PTPRQ: variants seen among roughly 807,000 people sequenced by gnomAD.
The protein encoded by PTPRQ is protein tyrosine phosphatase receptor type Q.
Under a neutral mutation model 246.0 loss-of-function variants are expected in PTPRQ, and 199 were observed. That is an observed-to-expected ratio of 0.81 (90% CI 0.72 to 0.91). PTPRQ has a LOEUF of 0.91. PTPRQ is among the 40% of genes least tolerant of loss of function. The pLI, the probability that PTPRQ is intolerant of heterozygous loss-of-function variation, is 0.00. For synonymous variants in PTPRQ, 869 were observed against 853.2 expected (o/e 1.02, Z -0.32); for missense variants, 2,624 against 2,528.4 (o/e 1.04, Z -0.81).
rs775316850 is a variant in PTPRQ, at chr12:80,468,698, T to C, written c.911-12T>C. On this transcript the variant is annotated splice_polypyrimidine_tract_variant and intron_variant, in intron 6 of 44. Transcript: ENST00000644991. ...ATATATGTTATGTATTTATTTTCTATAATTATTTTAGTGCCTGAAGGACCA... is the reference window on the plus strand; with the variant it reads ...ATATATGTTATGTATTTATTTTCTACAATTATTTTAGTGCCTGAAGGACCA... The C allele has an allele frequency of 1.0e-5, 16 of 1,524,002 alleles. No homozygotes were observed. In the African/African-American group the frequency reaches 1.9e-4, roughly 19 times the overall value. The allele number at this position is 1,524,002 out of a possible 1,614,324, so 94.4% of individuals were successfully genotyped here. A position where few individuals can be genotyped will look rare whatever the true frequency, so the allele number is the denominator to read the frequency against.
At chr12:80,531,865 G>A (rs1455124874) in intron 17 of PTPRQ, among the ~76,000 whole-genome samples, 1 of 152,110 alleles carries the variant, frequency 6.6e-6, no homozygotes, top group Non-Finnish European at 1.5e-5. Context: ...AACCAAGCTA[G>A]ATGTTGAAAC....
intron 35 of PTPRQ, among the ~76,000 whole-genome samples, chr12:80,645,718 C>T (rs1016940021): frequency 6.2e-4 from 94 of 151,426 alleles, no homozygotes; most frequent in African/African-American, 2.1e-3. Context: ...AGAGTAAGAT[C>T]GATAGGGTTG....
intron 19 of PTPRQ, among the ~76,000 whole-genome samples, chr12:80,538,775 TTA>T (rs148653314): frequency 0.17 from 25,693 of 152,056 alleles, 2,350 homozygotes; most frequent in African/African-American, 0.22. Context: ...CTGTTTTTTT[TTA>T]ATTGTGTGCT....
chr12:80,568,752 T>G (rs1897052678), intron 25 of PTPRQ, among the ~76,000 whole-genome samples: 2 of 152,242 alleles, frequency 1.3e-5, no homozygotes, highest in Non-Finnish European at 2.9e-5. Flanking sequence ...ATTTTCTCCC[T>G]GTGCATAAAC....
chr12:80,633,810 A>G (rs1408067641), intron 34 of PTPRQ, among the ~76,000 whole-genome samples: 1 of 152,330 alleles, frequency 6.6e-6, no homozygotes, highest in East Asian at 1.9e-4. Flanking sequence ...TGGACTGGCC[A>G]CATTTATGTA....
intron 31 of PTPRQ, 23 bp downstream of exon 31, chr12:80,619,565 CTTG>C (rs1565822766): frequency 6.7e-7 from 1 of 1,491,414 alleles, no homozygotes; most frequent in Admixed American, 2.2e-5. Flanking sequence ...GTCAATTTAT[CTTG>C]TTAAATTGTG....
At chr12:80,495,688 G>A (rs989296208) in intron 12 of PTPRQ, among the ~76,000 whole-genome samples, 1 of 151,974 alleles carries the variant, frequency 6.6e-6, no homozygotes, top group African/African-American at 2.4e-5. Flanking sequence ...TAAAATGTAC[G>A]AATGCAAAAA....
chr12:80,619,559 A>G lies in PTPRQ; in HGVS notation c.5389+17A>G. 6.7e-7 allele frequency: 1 copy of G among 1,498,618 alleles called. No individual in the cohort carries two copies. The highest frequency in any genetic ancestry group is 2.5e-5 in the East Asian group (1 of 39,952). 92.8% of individuals were successfully genotyped at this position (1,498,618 alleles called of 1,614,324 possible). On this transcript the variant is annotated intron_variant, in intron 31 of 44. Transcript: ENST00000644991. ...AAACAGGAGGTATCATCACATGTCA[A>G]TTTATCTTGTTAAATTGTGGAGTGT...
At position 80,616,189 on chromosome 12, in the gene PTPRQ, G is replaced by T. The variant is rs1040129910; in HGVS notation, c.5164-11G>T. ...CACTTGAAAATAGTAACAAATATTT[G>T]TTTGTTTTAGGTTTACGCAGTCAAT... On this transcript the variant is annotated splice_polypyrimidine_tract_variant and intron_variant, in intron 29 of 44. Transcript: ENST00000644991. 1.4e-6 allele frequency: 2 copies of T among 1,453,634 alleles called. No individual in the cohort carries two copies. The highest frequency in any genetic ancestry group is 1.8e-6 in the Non-Finnish European group (2 of 1,098,430). The allele number at this position is 1,453,634 out of a possible 1,614,324, so 90.0% of individuals were successfully genotyped here.
chr12:80,677,398 T>A (rs1153045), intron 43 of PTPRQ, among the ~76,000 whole-genome samples: 61,630 of 152,034 alleles, frequency 0.41, 13,725 homozygotes, highest in African/African-American at 0.6. Flanking sequence ...ATAAACTAGA[T>A]CATCCACCTC....
chr12:80,577,948 T>C (rs1897318249), intron 25 of PTPRQ, among the ~76,000 whole-genome samples: 1 of 152,112 alleles, frequency 6.6e-6, no homozygotes, highest in South Asian at 2.1e-4. Flanking sequence ...GAGTTGCACA[T>C]GAACGGTATA....
rs537134697 is a variant in PTPRQ at position 80,506,443 on chromosome 12, G to T, written c.2456-126G>T. On this transcript the variant is annotated intron_variant, in intron 15 of 44. Transcript: ENST00000644991. ...ATAAATAAGAGCTACTATTGCCAAA[G>T]AATGACATTTTCACTTAGTTTTTAT... The T allele has an allele frequency of 4.6e-6, 4 of 875,372 alleles. No homozygotes were observed. The South Asian group carries it at 7.9e-5, about 17-fold the overall frequency. 54.2% of individuals were successfully genotyped at this position (875,372 alleles called of 1,614,324 possible). A position where few individuals can be genotyped will look rare whatever the true frequency, so the allele number is the denominator to read the frequency against.
intron 3 of PTPRQ, among the ~76,000 whole-genome samples, chr12:80,450,915 C>G (rs554655094): frequency 6.6e-6 from 1 of 152,220 alleles, no homozygotes; most frequent in Non-Finnish European, 1.5e-5. Flanking sequence ...GGAGGATTCC[C>G]TCTTTTTCTA....
chr12:80,471,927 T>C (rs933552070), intron 7 of PTPRQ, among the ~76,000 whole-genome samples, 178 bp from the exon 8 acceptor site: 1 of 152,162 alleles, frequency 6.6e-6, no homozygotes, highest in African/African-American at 2.4e-5. Context: ...TTTCATTAAA[T>C]TGATATCAGT....
intron 35 of PTPRQ, among the ~76,000 whole-genome samples, chr12:80,644,630 C>T (rs1406853761): frequency 6.6e-6 from 1 of 152,022 alleles, no homozygotes; most frequent in Non-Finnish European, 1.5e-5. Context: ...TTTAAGCAAA[C>T]AGTTTTTCCT....
intron 7 of PTPRQ, among the ~76,000 whole-genome samples, chr12:80,469,602 TC>T (rs1409950164): frequency 1.3e-5 from 2 of 152,136 alleles, no homozygotes; most frequent in African/African-American, 2.4e-5. Flanking sequence ...GATACAGAGT[TC>T]CAACTCATTT....
intron 39 of PTPRQ, among the ~76,000 whole-genome samples, chr12:80,663,719 G>A (rs545877927): frequency 6.6e-6 from 1 of 151,744 alleles, no homozygotes; most frequent in South Asian, 2.1e-4. Flanking sequence ...TTCTCTTGCA[G>A]TGACTTGCCT....
rs144440791 is a variant in PTPRQ at position 80,531,629 on chromosome 12, A to G, written c.2679-2386A>G. 9.8e-5 allele frequency among the ~76,000 whole-genome samples: 15 copies of G among 152,322 alleles called. 1 individual carries two copies. Among genetic ancestry groups the G allele is most frequent in the African/African-American group, 3.4e-4 (14 of 41,592 alleles). On this transcript the variant is annotated intron_variant, in intron 17 of 44. Coordinates refer to ENST00000644991, the MANE Select transcript of PTPRQ (RefSeq NM_001145026.2). ...GAGTTCGAGCCTTGGTGACAGTTCA[A>G]TTCTGTCTCCTTTCTCTTTCTTTTA...
rs190758780 is a variant in PTPRQ at position 80,480,186 on chromosome 12, G to A, written c.1187-4247G>A. On this transcript the variant is annotated intron_variant, in intron 8 of 44. Coordinates refer to ENST00000644991, the MANE Select transcript of PTPRQ (RefSeq NM_001145026.2). Reference sequence around the variant, plus strand: ...ATAACAAACTATCTCTGAGACCACAGTGCAATCAAACTAGAACTCAGGATT... The same window carrying A: ...ATAACAAACTATCTCTGAGACCACAATGCAATCAAACTAGAACTCAGGATT... Among the ~76,000 whole-genome samples, 47 of 152,254 alleles carry A rather than the reference G, an allele frequency of 3.1e-4. 1 individual carries two copies. The highest frequency in any genetic ancestry group is 1.1e-3 in the African/African-American group (46 of 41,496).
Sources: allele counts gnomAD v4.1 joint callset (sites outside exome capture counted in the v4.1 genomes callset), GRCh38; gene constraint gnomAD v4.1.1; transcripts MANE v1.5; gene names NCBI Gene and HGNC (gene_info 2026-07-23, HGNC 2026-07-21).